SNTG1: variants seen among roughly 807,000 people sequenced by gnomAD.
The protein encoded by SNTG1 is gamma-1-syntrophin.
SNTG1 carries 39 observed loss-of-function variants against 74.7 expected under a neutral mutation model. That is an observed-to-expected ratio of 0.52 (90% CI 0.40 to 0.68). The LOEUF (loss-of-function observed/expected upper bound fraction) is 0.68. Ranked by LOEUF, SNTG1 falls within the 30% of genes least tolerant of loss-of-function variation. SNTG1 has a pLI of 0.00. For missense variants in SNTG1, 685 were observed against 609.5 expected, an observed-to-expected ratio of 1.12 and a Z score of -1.30; for synonymous variants, 254 against 217.1, an observed-to-expected ratio of 1.17 and a Z score of -1.49.
At chr8:50,510,815 T>C (rs1376007239) in intron 9 of SNTG1, among the ~76,000 whole-genome samples, 1 of 152,188 alleles carries the variant, frequency 6.6e-6, no homozygotes, top group Non-Finnish European at 1.5e-5. Flanking sequence ...TTTTCTTCTT[T>C]ATTAGTCTTG....
intron 11 of SNTG1, among the ~76,000 whole-genome samples, chr8:50,544,177 T>G (rs2094369021): frequency 6.6e-6 from 1 of 152,096 alleles, no homozygotes; most frequent in African/African-American, 2.4e-5. Context: ...TTCGTGTTTT[T>G]GTTATCATTT....
At chr8:50,576,560 G>C (rs1042701195) in intron 12 of SNTG1, among the ~76,000 whole-genome samples, 3 of 152,004 alleles carry the variant, frequency 2.0e-5, no homozygotes, top group Non-Finnish European at 4.4e-5. Flanking sequence ...GAGTAGTGTT[G>C]CTGTCTTAAT....
At chr8:50,554,176 G>A (rs1304833982) in intron 12 of SNTG1, among the ~76,000 whole-genome samples, 12 of 152,124 alleles carry the variant, frequency 7.9e-5, no homozygotes, top group African/African-American at 1.2e-4. Context: ...AGGACCACTA[G>A]CCAATAAAGG....
chr8:50,039,641 T>A (rs921564879), intron 1 of SNTG1, among the ~76,000 whole-genome samples: 1 of 152,122 alleles, frequency 6.6e-6, no homozygotes, highest in African/African-American at 2.4e-5. Context: ...ATTAATGATT[T>A]ACATTTTTTT....
intron 11 of SNTG1, among the ~76,000 whole-genome samples, chr8:50,544,967 T>G (rs1355299497): frequency 6.6e-6 from 1 of 152,018 alleles, no homozygotes; most frequent in Non-Finnish European, 1.5e-5. Flanking sequence ...TATATATGAA[T>G]GTAATATATG....
rs182290456 is a variant in SNTG1, at chr8:50,154,231, G to T, written c.-102-18330G>T. Among the ~76,000 whole-genome samples the T allele has an allele frequency of 4.5e-4, 69 of 152,296 alleles. No homozygotes were observed. The East Asian group carries it at 0.01, about 23-fold the overall frequency. ...TGTGGGTGTGGGACCCCCCAAGCCA[G>T]GCATGGGATATAATCTCCTGGTGTG... is the stretch of plus-strand genomic sequence containing the variant. On this transcript the variant is annotated intron_variant, in intron 1 of 18. Transcript: ENST00000642720.
At chr8:50,213,524 C>A (rs1170545956) in intron 2 of SNTG1, among the ~76,000 whole-genome samples, 1 of 152,080 alleles carries the variant, frequency 6.6e-6, no homozygotes, top group Non-Finnish European at 1.5e-5. Flanking sequence ...ACTTTATTTT[C>A]AATCACAGCA....
At chr8:50,058,406 T>G (rs1820203072) in intron 1 of SNTG1, among the ~76,000 whole-genome samples, 1 of 152,138 alleles carries the variant, frequency 6.6e-6, no homozygotes, top group Non-Finnish European at 1.5e-5. Context: ...ACACACCTTA[T>G]CTAAGTCTCT....
chr8:50,051,428 C>T (rs1261144341), intron 1 of SNTG1, among the ~76,000 whole-genome samples: 1 of 152,012 alleles, frequency 6.6e-6, no homozygotes, highest in African/African-American at 2.4e-5. Context: ...TAATAAAATG[C>T]TTATGAATAA....
intron 2 of SNTG1, among the ~76,000 whole-genome samples, chr8:50,372,877 C>A (rs1162529099): frequency 6.6e-6 from 1 of 152,098 alleles, no homozygotes; most frequent in Admixed American, 6.6e-5. Flanking sequence ...CAAAAAATAA[C>A]CTCACCATTT....
At chr8:49,942,482 T>A (rs952159760) in intron 1 of SNTG1, among the ~76,000 whole-genome samples, 2 of 152,148 alleles carry the variant, frequency 1.3e-5, no homozygotes, top group African/African-American at 4.8e-5. Flanking sequence ...CCATTTTTTT[T>A]ACTACAGTTC....
chr8:50,694,094 A>G, intron 15 of SNTG1, among the ~76,000 whole-genome samples: 1 of 152,034 alleles, frequency 6.6e-6, no homozygotes, highest in East Asian at 1.9e-4. Context: ...AGAAGGAAGA[A>G]AATAATAAAG....
intron 1 of SNTG1, among the ~76,000 whole-genome samples, chr8:49,945,361 C>T (rs1809081223): frequency 6.6e-6 from 1 of 152,144 alleles, no homozygotes; most frequent in Non-Finnish European, 1.5e-5. Flanking sequence ...TCTGCTAAAG[C>T]TTACAGGATA....
At chr8:50,155,427 A>T (rs2082222478) in intron 1 of SNTG1, among the ~76,000 whole-genome samples, 2 of 152,222 alleles carry the variant, frequency 1.3e-5, no homozygotes. Context: ...GTATTAGAGA[A>T]CTAATGTAAA....
intron 2 of SNTG1, among the ~76,000 whole-genome samples, chr8:50,261,526 C>T (rs1366507793): frequency 6.6e-6 from 1 of 152,008 alleles, no homozygotes; most frequent in Non-Finnish European, 1.5e-5. Flanking sequence ...ATCAAATAGA[C>T]AACAGATTAC....
In SNTG1 at chr8:50,121,949, T is replaced by C. The variant is rs1350197186; in HGVS notation, c.-102-50612T>C. 1.4e-5 allele frequency among the ~76,000 whole-genome samples: 2 copies of C among 141,966 alleles called. 1 individual carries two copies. The highest frequency in any genetic ancestry group is 1.5e-4 in the Admixed American group (2 of 13,768). 93.1% of individuals were successfully genotyped at this position (141,966 alleles called of 152,430 possible). A position where few individuals can be genotyped will look rare whatever the true frequency, so the allele number is the denominator to read the frequency against. The stretch of plus-strand genomic sequence containing the variant: ...TCTTAAGTTTTCTGGATAGGAAAAT[T>C]TTTAGTAATAGTGCATTTTGGTGGT... On this transcript the variant is annotated intron_variant, in intron 1 of 18. Transcript: ENST00000642720.
intron 2 of SNTG1, among the ~76,000 whole-genome samples, chr8:50,226,471 T>G (rs2132028907): frequency 6.6e-6 from 1 of 152,236 alleles, no homozygotes; most frequent in South Asian, 2.1e-4. Context: ...TCTAGAAACT[T>G]TTAAAGATCT....
At chr8:50,396,689 T>C (rs1289733760) in intron 3 of SNTG1, among the ~76,000 whole-genome samples, 1 of 152,240 alleles carries the variant, frequency 6.6e-6, no homozygotes, top group Non-Finnish European at 1.5e-5. Flanking sequence ...ATATCTGATA[T>C]TGTGAGTATA....
intron 11 of SNTG1, among the ~76,000 whole-genome samples, chr8:50,552,424 GA>G (rs2094432572): frequency 6.6e-6 from 1 of 152,104 alleles, no homozygotes; most frequent in Admixed American, 6.6e-5. Flanking sequence ...AGCATTTTAA[GA>G]AAAAGTTTAA....
Sources: allele counts gnomAD v4.1 joint callset (sites outside exome capture counted in the v4.1 genomes callset), GRCh38; gene constraint gnomAD v4.1.1; transcripts MANE v1.5; gene names NCBI Gene and HGNC (gene_info 2026-07-23, HGNC 2026-07-21).